The following GCNT2 variants were observed in gnomAD, a reference collection of about 807,000 sequenced individuals.
GCNT2 encodes glucosaminyl (N-acetyl) transferase 2 (I blood group).
Under a neutral mutation model 34.2 loss-of-function variants are expected in GCNT2, and 34 were observed. That is an observed-to-expected ratio of 1.00 (90% CI 0.76 to 1.32). The LOEUF (loss-of-function observed/expected upper bound fraction) is 1.32, where lower values mean the gene tolerates loss of function less well. Among genes scored for constraint, GCNT2 ranks in the 40% most tolerant of loss-of-function variants. GCNT2 has a pLI of 0.00. For synonymous variants in GCNT2, 212 were observed against 188.0 expected, an observed-to-expected ratio of 1.13 and a Z score of -1.04; for missense variants, 584 against 489.4, an observed-to-expected ratio of 1.19 and a Z score of -1.82.
rs549278728 is a variant in GCNT2 at position 10,535,787 on chromosome 6, A to G, written c.925+5951A>G. ...GTGGGCGGTGGGAGGAAGGAGTGCC[A>G]AGGTGTCCAAAGGGGAAGGAATAGA... On this transcript the variant is annotated intron_variant, in intron 3 of 4. Transcript: ENST00000495262. 8.9e-4 allele frequency among the ~76,000 whole-genome samples: 135 copies of G among 152,278 alleles called. 1 individual carries two copies. Among genetic ancestry groups the G allele is most frequent in the African/African-American group, 2.8e-3 (118 of 41,558 alleles).
intron 3 of GCNT2, among the ~76,000 whole-genome samples, chr6:10,539,919 A>C (rs1761960727): frequency 6.6e-6 from 1 of 152,160 alleles, no homozygotes; most frequent in African/African-American, 2.4e-5. Context: ...CTCTACAAAA[A>C]ATACAAAAGT....
Position 10,621,597 on chromosome 6 carries a change from C to T in GCNT2, c.1018+154C>T, listed in dbSNP as rs9466993. On this transcript the variant is annotated intron_variant, in intron 4 of 4. Coordinates refer to ENST00000495262, the MANE Select transcript of GCNT2 (RefSeq NM_145649.5). Reference sequence around the variant, plus strand: ...AAGCCAGAGGCTTCAAGACACAGTCCTTCAAAAATAAGTTTAAACATCTCA... The same window carrying T: ...AAGCCAGAGGCTTCAAGACACAGTCTTTCAAAAATAAGTTTAAACATCTCA... The T allele has an allele frequency of 0.068, 45,636 of 672,850 alleles. 3,057 individuals are homozygous for T. The highest frequency in any genetic ancestry group is 0.27 in the African/African-American group (15,167 of 55,986). The allele number at this position is 672,850 out of a possible 1,614,324, so 41.7% of individuals were successfully genotyped here.
At position 10,592,297 on chromosome 6, in the gene GCNT2, C is replaced by A. The variant is rs181657088; in HGVS notation, c.926-29054C>A. On this transcript the variant is annotated intron_variant, in intron 3 of 4. Coordinates refer to ENST00000495262, the MANE Select transcript of GCNT2 (RefSeq NM_145649.5). ...GGATAGCCAGATGATATTAAGTATGCATAATAAATGAGAACATGATTTTCA... is the reference window on the plus strand; with the variant it reads ...GGATAGCCAGATGATATTAAGTATGAATAATAAATGAGAACATGATTTTCA... 7.4e-4 allele frequency among the ~76,000 whole-genome samples: 113 copies of A among 152,274 alleles called. 1 individual carries two copies. The highest frequency in any genetic ancestry group is 2.4e-4 in the Non-Finnish European group (16 of 68,012).
In GCNT2 at chr6:10,537,710, A is replaced by AC. The variant is rs1209527979; in HGVS notation, c.925+7874_925+7875insC. Among the ~76,000 whole-genome samples the AC allele has an allele frequency of 2.3e-3, 129 of 56,926 alleles. 1 individual carries two copies. The highest frequency in any genetic ancestry group is 5.5e-3 in the African/African-American group (128 of 23,234). The allele number at this position is 56,926 out of a possible 152,430, so 37.3% of individuals were successfully genotyped here. On this transcript the variant is annotated intron_variant, in intron 3 of 4. Coordinates refer to ENST00000495262, the MANE Select transcript of GCNT2 (RefSeq NM_145649.5). ...GGAGATTCTGCCGCAAAAAAAAAAA[A>AC]AAAAAAAAAAAAAAAACAAAACAAA... is the stretch of plus-strand genomic sequence containing the variant.
chr6:10,531,317 A>G (rs553971311), intron 3 of GCNT2, among the ~76,000 whole-genome samples: 4 of 152,314 alleles, frequency 2.6e-5, no homozygotes, highest in Admixed American at 1.3e-4. Context: ...TGCTAGTTCA[A>G]TTCAAAATAA....
At chr6:10,563,774 AAAAATAT>A (rs1486961142) in intron 3 of GCNT2, among the ~76,000 whole-genome samples, 33 of 40,992 alleles carry the variant, frequency 8.1e-4, no homozygotes, top group East Asian at 3.9e-3. Context: ...AAAAAAAAAA[AAAAATAT>A]ATATATATAT....
At chr6:10,575,288 G>A (rs1468071963) in intron 3 of GCNT2, 9 of 255,804 alleles carry the variant, frequency 3.5e-5, no homozygotes, top group Middle Eastern at 1.3e-3. Context: ...CAAATTTTCC[G>A]TGATAGTGTA....
chr6:10,618,039 G>C (rs968218555), intron 3 of GCNT2, among the ~76,000 whole-genome samples: 4 of 152,102 alleles, frequency 2.6e-5, no homozygotes, highest in Non-Finnish European at 5.9e-5. Flanking sequence ...ACAGGTGTGA[G>C]CCACCACGCC....
chr6:10,523,612 G>A (rs1179550698), intron 1 of GCNT2, among the ~76,000 whole-genome samples: 5 of 152,120 alleles, frequency 3.3e-5, no homozygotes, highest in Admixed American at 2.6e-4. Flanking sequence ...AGCTGAGCAC[G>A]TTAGGTGCCC....
At chr6:10,536,500 G>A (rs1009391702) in intron 3 of GCNT2, among the ~76,000 whole-genome samples, 1 of 148,982 alleles carries the variant, frequency 6.7e-6, no homozygotes. Flanking sequence ...GACTACAGGC[G>A]CCCACCACTG....
chr6:10,571,568 G>A (rs1763557449), intron 3 of GCNT2, among the ~76,000 whole-genome samples: 1 of 152,082 alleles, frequency 6.6e-6, no homozygotes, highest in South Asian at 2.1e-4. Flanking sequence ...GGCCGGACTG[G>A]TCTTGAACTC....
At chr6:10,571,519 A>G (rs1344316914) in intron 3 of GCNT2, among the ~76,000 whole-genome samples, 1 of 151,862 alleles carries the variant, frequency 6.6e-6, no homozygotes, top group Non-Finnish European at 1.5e-5. Flanking sequence ...TGCCCGGCAA[A>G]TTTTTGTATT....
chr6:10,559,833 C>T (rs1172581174), intron 3 of GCNT2, among the ~76,000 whole-genome samples: 1 of 152,220 alleles, frequency 6.6e-6, no homozygotes, highest in Non-Finnish European at 1.5e-5. Flanking sequence ...TTCTTAGACT[C>T]TGGGCAACAT....
intron 3 of GCNT2, chr6:10,557,482 A>C (rs1367555060): frequency 2.9e-6 from 2 of 697,730 alleles, no homozygotes; most frequent in Non-Finnish European, 4.9e-6. Context: ...TTCTAAATGC[A>C]GAAAGATGTT....
intron 3 of GCNT2, among the ~76,000 whole-genome samples, chr6:10,552,818 T>G (rs1762540382): frequency 6.6e-6 from 1 of 152,168 alleles, no homozygotes; most frequent in Non-Finnish European, 1.5e-5. Flanking sequence ...TCTCTGTATT[T>G]TATAATTAAG....
At chr6:10,556,602 G>A (rs867195871) in intron 3 of GCNT2, 1 of 1,614,140 alleles carries the variant, frequency 6.2e-7, no homozygotes, top group African/African-American at 1.3e-5. Context: ...CGTTTCCTGT[G>A]GAAAAACAAA....
intron 4 of GCNT2, among the ~76,000 whole-genome samples, chr6:10,622,405 T>C (rs1766072982): frequency 6.6e-6 from 1 of 151,942 alleles, no homozygotes; most frequent in Non-Finnish European, 1.5e-5. Context: ...AGATAGCATT[T>C]TCTCCCTGTG....
chr6:10,536,870 A>G (rs1761785928), intron 3 of GCNT2, among the ~76,000 whole-genome samples: 1 of 151,810 alleles, frequency 6.6e-6, no homozygotes, highest in Admixed American at 6.6e-5. Flanking sequence ...GGTTCAGGCG[A>G]TTCTACTACC....
chr6:10,609,466 T>C (rs1381909700), intron 3 of GCNT2, among the ~76,000 whole-genome samples: 2 of 152,228 alleles, frequency 1.3e-5, no homozygotes, highest in African/African-American at 4.8e-5. Flanking sequence ...CATGACCTGG[T>C]CAGTTCTTAA....
Sources: gnomAD v4.1 joint callset for allele counts (sites outside exome capture counted in the v4.1 genomes callset) on GRCh38, gnomAD v4.1.1 for gene constraint, MANE v1.5 for transcripts, NCBI Gene and HGNC (gene_info 2026-07-23, HGNC 2026-07-21) for gene names.